FYB1: variants seen among roughly 807,000 people sequenced by gnomAD.
The protein encoded by FYB1 is FYN-binding protein 1.
FYB1 carries 41 observed loss-of-function variants against 94.1 expected under a neutral mutation model. The observed-to-expected ratio is 0.44, with a 90% CI of 0.34 to 0.57. FYB1 has a LOEUF of 0.57. FYB1 is among the 20% of genes least tolerant of loss of function. The pLI is 0.02. For missense variants in FYB1, 1,050 were observed against 976.8 expected (o/e 1.07, Z -1.00); for synonymous variants, 367 against 353.2 (o/e 1.04, Z -0.44).
In FYB1 at chr5:39,201,813, GA is replaced by G; in HGVS notation, c.1135+12del. ...GTAAACCATACTGAATAGCAAACGA[GA>G]AAAGAACTCACTGTTTCCAGAAGAG... On this transcript the variant is annotated intron_variant, in intron 2 of 18. Transcript: ENST00000512982. 1 of 1,602,228 alleles carries G rather than the reference GA, an allele frequency of 6.2e-7. No homozygotes were observed. Among genetic ancestry groups the G allele is most frequent in the South Asian group, 1.1e-5 (1 of 89,912 alleles).
In FYB1 at chr5:39,134,272, A is replaced by T. The variant is rs908572413; in HGVS notation, c.1753T>A (p.Ser585Thr). Residue 585 changes from serine (S) to threonine (T), a missense_variant, in exon 9 of 19, where the codon TCA becomes ACA. Transcript: ENST00000512982. ...TCTTGGTCATCTTCAATAGGTCTTG[A>T]AGGGGCACCAAGAGAGTCTTTTTTC... Reference protein sequence around the residue: ...KLKKDSLGAPSRPIEDDQEVY... With the variant: ...KLKKDSLGAPTRPIEDDQEVY... 1 of 1,610,614 alleles carries T rather than the reference A, an allele frequency of 6.2e-7. No individual in the cohort carries two copies. The highest frequency in any genetic ancestry group is 1.7e-4 in the Middle Eastern group (1 of 6,052).
Position 39,138,283 on chromosome 5 carries a change from T to G in FYB1, c.1394+374A>C, listed in dbSNP as rs193273207. The G allele has an allele frequency of 3.9e-5, 7 of 178,136 alleles. No homozygotes were observed. In the Admixed American group the frequency reaches 4.1e-4, roughly 11 times the overall value. 11.0% of individuals were successfully genotyped at this position (178,136 alleles called of 1,614,324 possible). ...ACACTCTGACCTCTGGGCGTCATGATAAATTATTTTTCATAGCACCCCGTG... is the reference window on the plus strand; with the variant it reads ...ACACTCTGACCTCTGGGCGTCATGAGAAATTATTTTTCATAGCACCCCGTG... On this transcript the variant is annotated intron_variant, in intron 6 of 18. Transcript: ENST00000512982.
intron 3 of FYB1, among the ~76,000 whole-genome samples, chr5:39,148,155 TTATATATATATATATATATA>T (rs10528848): frequency 0.035 from 1,303 of 37,656 alleles, 68 homozygotes; most frequent in African/African-American, 0.14. Context: ...TATGTATTTT[TTATATATATATATATATATA>T]TATATATATA....
In FYB1 at chr5:39,141,116, C is replaced by A; in HGVS notation, c.1318G>T (p.Asp440Tyr). 6.3e-7 allele frequency: 1 copy of A among 1,592,898 alleles called. No homozygotes were observed. Among genetic ancestry groups the A allele is most frequent in the Non-Finnish European group, 8.6e-7 (1 of 1,168,262 alleles). Residue 440 changes from aspartate to tyrosine, a missense_variant, in exon 4 of 19, where the codon GAT (aspartate) becomes TAT (tyrosine). Physicochemically the swap from Asp to Tyr is radical, Grantham distance 160. Transcript: ENST00000512982. ...LKSPVNEDNQ[D>Y]GVTHSDGAGN... The stretch of plus-strand genomic sequence containing the variant: ...TTACCATCAGAGTGCGTGACACCAT[C>A]TTGATTGTCTTCATTGACAGGGCTT...
chr5:39,182,050 C>T (rs1490096756), intron 2 of FYB1, among the ~76,000 whole-genome samples: 1 of 152,070 alleles, frequency 6.6e-6, no homozygotes, highest in African/African-American at 2.4e-5. Context: ...AAGAATTCTT[C>T]CCAAACATCA....
Position 39,153,463 on chromosome 5 carries a change from G to A in FYB1, c.1277C>T (p.Pro426Leu). ...VPSLPPRNIKPPFDLKSPVNE... is the reference protein window; with the variant it reads ...VPSLPPRNIKLPFDLKSPVNE... ...TTTTGCTTACTTTAGGTCAAACGGA[G>A]GTTTAATGTTTCTGGGAGGTAGGCT... is the stretch of plus-strand genomic sequence containing the variant. The change falls in exon 3 of 19, where the codon CCT becomes CTT. Residue 426 changes from proline to leucine, a missense_variant. Physicochemically the swap from Pro to Leu is moderately conservative, Grantham distance 98. Coordinates refer to ENST00000512982, the MANE Select transcript of FYB1 (RefSeq NM_001465.6). 6.2e-7 allele frequency: 1 copy of A among 1,613,904 alleles called. No homozygotes were observed. The highest frequency in any genetic ancestry group is 8.5e-7 in the Non-Finnish European group (1 of 1,179,850).
chr5:39,110,349 G>T lies in FYB1; in HGVS notation c.2435+7C>A. ...ACAAGCATAGTAGTAGAAGAAAATG[G>T]GCTTACTTGTCCGCTAGGTAACTCC... On this transcript the variant is annotated splice_region_variant and intron_variant, in intron 17 of 18. Transcript: ENST00000512982. 6.3e-7 allele frequency: 1 copy of T among 1,584,072 alleles called. No homozygotes were observed. Among genetic ancestry groups the T allele is most frequent in the African/African-American group, 1.3e-5 (1 of 74,342 alleles).
intron 2 of FYB1, among the ~76,000 whole-genome samples, chr5:39,175,477 T>C (rs561057651): frequency 1.3e-5 from 2 of 152,304 alleles, no homozygotes; most frequent in East Asian, 1.9e-4. Context: ...TTTTGACTCA[T>C]TGGGGAAAAC....
chr5:39,118,751 A>G lies in FYB1; in HGVS notation c.2401+123T>C, dbSNP rs1007720500. On this transcript the variant is annotated intron_variant, in intron 16 of 18. Coordinates refer to ENST00000512982, the MANE Select transcript of FYB1 (RefSeq NM_001465.6). ...CTTCTGAACGTTTGCCACAATTTAC[A>G]AAGGATAGGGCAAAAAGATAGATAA... 3 of 559,176 alleles carry G rather than the reference A, an allele frequency of 5.4e-6. No homozygotes were observed. In the East Asian group the frequency reaches 9.3e-5, roughly 17 times the overall value. The allele number at this position is 559,176 out of a possible 1,614,324, so 34.6% of individuals were successfully genotyped here.
intron 4 of FYB1, among the ~76,000 whole-genome samples, chr5:39,140,301 C>A (rs917577945): frequency 1.3e-5 from 2 of 152,042 alleles, no homozygotes; most frequent in African/African-American, 4.8e-5. Flanking sequence ...ATATACCACT[C>A]CCAATACAAA....
intron 1 of FYB1, among the ~76,000 whole-genome samples, chr5:39,215,819 T>C (rs868678339): frequency 6.6e-6 from 1 of 152,146 alleles, no homozygotes; most frequent in Middle Eastern, 3.2e-3. Flanking sequence ...GATACGCCCA[T>C]GTATCAGAAC....
At chr5:39,114,946 A>G (rs1580297961) in intron 16 of FYB1, among the ~76,000 whole-genome samples, 1 of 152,282 alleles carries the variant, frequency 6.6e-6, no homozygotes, top group East Asian at 1.9e-4. Flanking sequence ...AAGAAGTATC[A>G]TGGTAGATTT....
At chr5:39,113,596 C>T (rs1297602077) in intron 16 of FYB1, among the ~76,000 whole-genome samples, 5 of 152,140 alleles carry the variant, frequency 3.3e-5, no homozygotes, top group African/African-American at 1.2e-4. Context: ...ATTGTGAATA[C>T]AGATTAACCA....
chr5:39,113,527 T>G lies in FYB1; in HGVS notation c.2402-3138A>C, dbSNP rs1482263283. On this transcript the variant is annotated intron_variant, in intron 16 of 18. Coordinates refer to ENST00000512982, the MANE Select transcript of FYB1 (RefSeq NM_001465.6). ...TGTGCCAGTTAATTTCTTCCCCAAA[T>G]GTTTGCTTGCTACAGTGCAGATGTG... Among the ~76,000 whole-genome samples the G allele has an allele frequency of 2.6e-5, 4 of 152,276 alleles. No individual in the cohort carries two copies. In the East Asian group the frequency reaches 7.7e-4, roughly 29 times the overall value.
chr5:39,270,805 C>G, intron 1 of FYB1: 1 of 462,548 alleles, frequency 2.2e-6, no homozygotes, highest in South Asian at 4.8e-5. Flanking sequence ...AATACAGGAA[C>G]AGGTATAGAT....
rs370543019 is a variant in FYB1, at chr5:39,202,718, C to T, written c.243G>A (p.Pro81=). Residue 81 remains proline (P), a synonymous_variant, in exon 2 of 19, where the codon CCG becomes CCA. Coordinates refer to ENST00000512982, the MANE Select transcript of FYB1 (RefSeq NM_001465.6). ...GGCCTGCTCCAGTGGGCTTTAGAAA[C>T]GGGGGCTTGGGTTCCTTGTCAGGCT... ...EEKPDKEPKP[P]FLKPTGAGQR... 311 of 1,613,640 alleles carry T rather than the reference C, an allele frequency of 1.9e-4. No individual in the cohort carries two copies. Among genetic ancestry groups the T allele is most frequent in the Admixed American group, 1.1e-3 (68 of 59,982 alleles).
intron 2 of FYB1, among the ~76,000 whole-genome samples, chr5:39,185,570 A>G (rs1478481670): frequency 6.8e-6 from 1 of 147,408 alleles, no homozygotes. Context: ...GTGTGTGTGT[A>G]TATATATACA....
At chr5:39,164,384 A>T (rs1253392149) in intron 2 of FYB1, among the ~76,000 whole-genome samples, 1 of 152,056 alleles carries the variant, frequency 6.6e-6, no homozygotes, top group Non-Finnish European at 1.5e-5. Context: ...CAAACAAAAA[A>T]CTCTGCACAC....
intron 2 of FYB1, among the ~76,000 whole-genome samples, chr5:39,166,252 C>T (rs966591638): frequency 4.6e-5 from 7 of 152,082 alleles, no homozygotes; most frequent in African/African-American, 1.4e-4. Context: ...GCCTGACCAA[C>T]ATGGTGAAAC....
Sources: gnomAD v4.1 joint callset for allele counts (sites outside exome capture counted in the v4.1 genomes callset) on GRCh38, gnomAD v4.1.1 for gene constraint, MANE v1.5 for transcripts, NCBI Gene and HGNC (gene_info 2026-07-23, HGNC 2026-07-21) for gene names.